Variants in KAZN observed in about 807,000 individuals in gnomAD.
KAZN encodes the protein kazrin, periplakin interacting protein.
KAZN carries 40 observed loss-of-function variants against 87.4 expected under a neutral mutation model. The observed-to-expected ratio is 0.46, with a 90% confidence interval of 0.36 to 0.60. The LOEUF (loss-of-function observed/expected upper bound fraction) is 0.60, where lower values mean the gene tolerates loss of function less well. KAZN is among the 20% of genes least tolerant of loss of function. The pLI, the probability that KAZN is intolerant of heterozygous loss-of-function variation, is 0.00. For missense variants in KAZN, 898 were observed against 1,073.9 expected (o/e 0.84, Z 2.29); for synonymous variants, 466 against 458.3 (o/e 1.02, Z -0.22).
chr1:14,385,682 T>C (rs1661812970), intron 2 of KAZN, among the ~76,000 whole-genome samples: 1 of 151,986 alleles, frequency 6.6e-6, no homozygotes, highest in Non-Finnish European at 1.5e-5. Flanking sequence ...GAGAGATAGT[T>C]TGTTATAATT....
chr1:14,927,909 A>G (rs1318881354), intron 1 of KAZN, among the ~76,000 whole-genome samples: 3 of 152,068 alleles, frequency 2.0e-5, no homozygotes, highest in African/African-American at 4.8e-5. Flanking sequence ...ACCGGCTCCC[A>G]GCACTGTACC....
chr1:14,833,821 C>T (rs917888532), intron 1 of KAZN, among the ~76,000 whole-genome samples: 1 of 152,232 alleles, frequency 6.6e-6, no homozygotes, highest in East Asian at 1.9e-4. Flanking sequence ...GACATCCATG[C>T]TTCACCAGCA....
chr1:14,130,476 T>A (rs4319324), intron 1 of KAZN, among the ~76,000 whole-genome samples: 87,089 of 151,996 alleles, frequency 0.57, 26,259 homozygotes, highest in East Asian at 0.76. Context: ...ATTCATTTTG[T>A]TAATGCATGC....
At chr1:14,387,450 A>C (rs1336647339) in intron 2 of KAZN, among the ~76,000 whole-genome samples, 2 of 151,876 alleles carry the variant, frequency 1.3e-5, no homozygotes, top group African/African-American at 4.8e-5. Flanking sequence ...GGTTTTATCT[A>C]CTTTTGGTCT....
intron 4 of KAZN, among the ~76,000 whole-genome samples, chr1:15,047,858 A>G (rs1673752445): frequency 6.6e-6 from 1 of 152,138 alleles, no homozygotes; most frequent in African/African-American, 2.4e-5. Flanking sequence ...CTGGGGGACG[A>G]ACATGTCCCT....
intron 2 of KAZN, among the ~76,000 whole-genome samples, chr1:14,185,197 A>C (rs941595165): frequency 6.6e-6 from 1 of 152,152 alleles, no homozygotes; most frequent in Non-Finnish European, 1.5e-5. Flanking sequence ...TAACACCATG[A>C]TGGAGAAAGA....
chr1:13,904,554 CTAAGT>C (rs1639366656), intron 1 of KAZN, among the ~76,000 whole-genome samples: 1 of 152,148 alleles, frequency 6.6e-6, no homozygotes, highest in South Asian at 2.1e-4. Context: ...ATATAGATTT[CTAAGT>C]TGAGTTATTT....
intron 1 of KAZN, among the ~76,000 whole-genome samples, chr1:14,935,574 C>A (rs973900386): frequency 6.6e-6 from 1 of 152,238 alleles, no homozygotes; most frequent in Non-Finnish European, 1.5e-5. Context: ...TGGGTGTTAA[C>A]AAGCCCTGCA....
chr1:14,336,873 T>C (rs1657307575), intron 2 of KAZN, among the ~76,000 whole-genome samples: 1 of 152,224 alleles, frequency 6.6e-6, no homozygotes, highest in Admixed American at 6.5e-5. Context: ...TTTGCAAATA[T>C]TTTCTCTCAT....
At chr1:14,658,752 A>G (rs914174792) in intron 1 of KAZN, among the ~76,000 whole-genome samples, 20 of 152,258 alleles carry the variant, frequency 1.3e-4, no homozygotes, top group Admixed American at 1.2e-3. Flanking sequence ...GCATCCCCAC[A>G]TTCCCTCGCC....
At chr1:14,253,647 T>C (rs1483800802) in intron 2 of KAZN, among the ~76,000 whole-genome samples, 1 of 152,054 alleles carries the variant, frequency 6.6e-6, no homozygotes, top group African/African-American at 2.4e-5. Context: ...TTTCCAGGTG[T>C]AATGGTAACT....
chr1:14,816,812 A>G (rs1396295474), intron 1 of KAZN, among the ~76,000 whole-genome samples: 1 of 152,222 alleles, frequency 6.6e-6, no homozygotes, highest in African/African-American at 2.4e-5. Context: ...CTGGATGGAT[A>G]GATGGATGAA....
At chr1:14,028,089 T>A (rs1275774154) in intron 1 of KAZN, among the ~76,000 whole-genome samples, 1 of 152,206 alleles carries the variant, frequency 6.6e-6, no homozygotes, top group Non-Finnish European at 1.5e-5. Flanking sequence ...GCCTTGCTAA[T>A]CTTATTGGAG....
At chr1:14,693,496 C>T (rs1167289766) in intron 1 of KAZN, among the ~76,000 whole-genome samples, 1 of 152,186 alleles carries the variant, frequency 6.6e-6, no homozygotes, top group Non-Finnish European at 1.5e-5. Context: ...CGTTGTTTTA[C>T]CCTGAATCTG....
intron 2 of KAZN, among the ~76,000 whole-genome samples, chr1:14,404,244 G>A (rs570757659): frequency 2.8e-4 from 42 of 152,262 alleles, no homozygotes; most frequent in Middle Eastern, 3.4e-3. Flanking sequence ...ACTCCATGTC[G>A]AACATGCCTG....
intron 2 of KAZN, among the ~76,000 whole-genome samples, chr1:14,993,638 G>A (rs543481547): frequency 1.4e-4 from 22 of 152,268 alleles, no homozygotes; most frequent in African/African-American, 4.6e-4. Flanking sequence ...CTCGACTCTC[G>A]TCTGGGAGGG....
chr1:15,019,487 C>T (rs1303534490), intron 2 of KAZN, among the ~76,000 whole-genome samples: 1 of 152,198 alleles, frequency 6.6e-6, no homozygotes, highest in Non-Finnish European at 1.5e-5. Flanking sequence ...CCCCCTGGTT[C>T]AAGCAATTCT....
intron 1 of KAZN, among the ~76,000 whole-genome samples, chr1:14,890,549 GA>G (rs1458770460): frequency 2.0e-4 from 30 of 151,912 alleles, no homozygotes; most frequent in African/African-American, 7.3e-4. Flanking sequence ...AAAAGATAGA[GA>G]AGGTTATTTT....
intron 13 of KAZN, among the ~76,000 whole-genome samples, chr1:15,107,071 G>A (rs1302591205): frequency 6.6e-6 from 1 of 152,164 alleles, no homozygotes; most frequent in Non-Finnish European, 1.5e-5. Context: ...AGCAGGACTG[G>A]AACCCAGGTC....
Sources: allele counts gnomAD v4.1 joint callset (sites outside exome capture counted in the v4.1 genomes callset), GRCh38; gene constraint gnomAD v4.1.1; transcripts MANE v1.5; gene names NCBI Gene and HGNC (gene_info 2026-07-23, HGNC 2026-07-21).